The following STAU2 variants were observed in gnomAD, a reference collection of about 807,000 sequenced individuals.
STAU2 encodes staufen double-stranded RNA binding protein 2, also known as double-stranded RNA-binding protein Staufen homolog 2.
In STAU2, 20 loss-of-function variants were observed where a neutral mutation model predicts 65.9. The ratio of observed to expected loss-of-function variants is 0.30; its 90% CI spans 0.21 to 0.44. The LOEUF (loss-of-function observed/expected upper bound fraction) is 0.44, where lower values mean the gene tolerates loss of function less well. Among genes scored for constraint, STAU2 ranks in the 20% least tolerant of loss-of-function variants. The pLI is 1.00. For missense variants in STAU2, 558 were observed against 683.9 expected (o/e 0.82, Z 2.05); for synonymous variants, 232 against 233.9 (o/e 0.99, Z 0.07).
At chr8:73,701,161 C>T (rs992013340) in intron 4 of STAU2, among the ~76,000 whole-genome samples, 2 of 152,100 alleles carry the variant, frequency 1.3e-5, no homozygotes, top group East Asian at 1.9e-4. Flanking sequence ...AGACCTCAAA[C>T]TATGAAACTA....
At chr8:73,482,048 T>G (rs1328238490) in intron 13 of STAU2, among the ~76,000 whole-genome samples, 1 of 152,164 alleles carries the variant, frequency 6.6e-6, no homozygotes, top group Non-Finnish European at 1.5e-5. Flanking sequence ...GAGATTCTTT[T>G]GGCTGCGGCT....
At chr8:73,591,954 T>C (rs1437495572) in intron 11 of STAU2, among the ~76,000 whole-genome samples, 1 of 133,444 alleles carries the variant, frequency 7.5e-6, no homozygotes, top group Non-Finnish European at 1.6e-5. Context: ...TCAAAATGTG[T>C]AGGGCAGAGC....
chr8:73,689,911 A>C (rs1006267279), intron 4 of STAU2, among the ~76,000 whole-genome samples: 13 of 152,066 alleles, frequency 8.5e-5, no homozygotes, highest in African/African-American at 3.1e-4. Flanking sequence ...ATCTGAATCT[A>C]ATCACAGGGA....
At chr8:73,648,611 T>C (rs2130196039) in intron 6 of STAU2, among the ~76,000 whole-genome samples, 1 of 152,326 alleles carries the variant, frequency 6.6e-6, no homozygotes, top group Admixed American at 6.5e-5. Context: ...TTCATGTATT[T>C]CCCTTGAATC....
intron 6 of STAU2, among the ~76,000 whole-genome samples, chr8:73,660,627 T>C (rs950137702): frequency 2.6e-5 from 4 of 152,248 alleles, no homozygotes; most frequent in African/African-American, 7.2e-5. Context: ...CCAGCTTGAA[T>C]GGCTATCAAG....
At chr8:73,696,296 A>G (rs1197649532) in intron 4 of STAU2, among the ~76,000 whole-genome samples, 2 of 152,160 alleles carry the variant, frequency 1.3e-5, no homozygotes, top group African/African-American at 4.8e-5. Flanking sequence ...TGAAGACTAC[A>G]ATAAATACCT....
At chr8:73,691,862 T>A (rs1361846845) in intron 4 of STAU2, among the ~76,000 whole-genome samples, 1 of 152,162 alleles carries the variant, frequency 6.6e-6, no homozygotes, top group African/African-American at 2.4e-5. Context: ...TGGAATTTCC[T>A]GGGTGATAGG....
chr8:73,738,371 A>C (rs1016145550), intron 2 of STAU2, 22 bp from the exon 3 acceptor site: 1 of 1,573,244 alleles, frequency 6.4e-7, no homozygotes, highest in African/African-American at 1.4e-5. Flanking sequence ...AAATGAAGAA[A>C]TAAAGTTCAA....
chr8:73,569,103 G>A lies in STAU2; in HGVS notation c.1222+13667C>T, dbSNP rs192378965. Among the ~76,000 whole-genome samples the A allele has an allele frequency of 6.0e-4, 92 of 152,152 alleles. 2 individuals carry two copies. Among genetic ancestry groups the A allele is most frequent in the African/African-American group, 2.2e-3 (90 of 41,514 alleles). ...ATGGTACCTGGAAAATCAGGACACCGCCACCCTAATACTGCGCTTTTCCAA... is the reference window on the plus strand; with the variant it reads ...ATGGTACCTGGAAAATCAGGACACCACCACCCTAATACTGCGCTTTTCCAA... On this transcript the variant is annotated intron_variant, in intron 12 of 14. Coordinates refer to ENST00000524300, the MANE Select transcript of STAU2 (RefSeq NM_001164380.2).
Position 73,456,060 on chromosome 8 carries a change from G to A in STAU2, c.1531-33358C>T, listed in dbSNP as rs569723560. ...CCATGTACTGGTACAAATGAATGAC[G>A]ATGGGACATGCTCTCCAGTGGGCAG... On this transcript the variant is annotated intron_variant, in intron 13 of 14. Coordinates refer to ENST00000524300, the MANE Select transcript of STAU2 (RefSeq NM_001164380.2). Among the ~76,000 whole-genome samples, 6 of 152,336 alleles carry A rather than the reference G, an allele frequency of 3.9e-5. No individual in the cohort carries two copies. The South Asian group carries it at 8.3e-4, about 21-fold the overall frequency.
chr8:73,464,149 T>C (rs1261048533), intron 13 of STAU2, among the ~76,000 whole-genome samples: 1 of 152,178 alleles, frequency 6.6e-6, no homozygotes, highest in Non-Finnish European at 1.5e-5. Flanking sequence ...CCCTGTTTTT[T>C]GTTTGTTTTG....
At chr8:73,485,005 T>C (rs1330259549) in intron 13 of STAU2, among the ~76,000 whole-genome samples, 1 of 152,074 alleles carries the variant, frequency 6.6e-6, no homozygotes, top group Non-Finnish European at 1.5e-5. Context: ...GGTAGATACA[T>C]TCTAATTTCA....
intron 13 of STAU2, among the ~76,000 whole-genome samples, chr8:73,496,631 A>G (rs1821435992): frequency 6.6e-6 from 1 of 151,824 alleles, no homozygotes; most frequent in Non-Finnish European, 1.5e-5. Flanking sequence ...TTGTAGCCAC[A>G]TCTAAAAAGT....
At chr8:73,457,965 T>A (rs898025767) in intron 13 of STAU2, among the ~76,000 whole-genome samples, 1 of 152,204 alleles carries the variant, frequency 6.6e-6, no homozygotes, top group Non-Finnish European at 1.5e-5. Context: ...CACTGAGGAC[T>A]TAAGGCCATA....
intron 4 of STAU2, among the ~76,000 whole-genome samples, chr8:73,692,154 G>A (rs1819362794): frequency 2.0e-5 from 3 of 151,898 alleles, no homozygotes. Flanking sequence ...GACAGGGCTT[G>A]GAAGCTCCAT....
At chr8:73,442,137 G>A (rs764002995) in intron 13 of STAU2, among the ~76,000 whole-genome samples, 4 of 151,948 alleles carry the variant, frequency 2.6e-5, no homozygotes, top group Non-Finnish European at 4.4e-5. Flanking sequence ...GGCGGATCAC[G>A]AGGTCAGGAG....
At chr8:73,563,836 T>A (rs546879049) in intron 12 of STAU2, among the ~76,000 whole-genome samples, 38 of 152,280 alleles carry the variant, frequency 2.5e-4, no homozygotes, top group African/African-American at 9.1e-4. Context: ...AAAGAAGTCT[T>A]GGGTGACACC....
rs141811275 is a variant in STAU2 at position 73,680,598 on chromosome 8, G to T, written c.275-7356C>A. Among the ~76,000 whole-genome samples the T allele has an allele frequency of 5.1e-4, 78 of 152,144 alleles. 2 individuals are homozygous for T. In the East Asian group the frequency reaches 0.015, roughly 29 times the overall value. On this transcript the variant is annotated intron_variant, in intron 5 of 14. Coordinates refer to ENST00000524300, the MANE Select transcript of STAU2 (RefSeq NM_001164380.2). ...AGATCACACTAGTTCACCAGCGATG[G>T]ATCCAAACCAGGAAGAAATATCTGA...
intron 13 of STAU2, among the ~76,000 whole-genome samples, chr8:73,462,286 G>A (rs1819404337): frequency 6.6e-6 from 1 of 151,612 alleles, no homozygotes; most frequent in South Asian, 2.1e-4. Flanking sequence ...TAGAGACAGG[G>A]TTTTCCCATG....
Sources: gnomAD v4.1 joint callset for allele counts (sites outside exome capture counted in the v4.1 genomes callset) on GRCh38, gnomAD v4.1.1 for gene constraint, MANE v1.5 for transcripts, NCBI Gene and HGNC (gene_info 2026-07-23, HGNC 2026-07-21) for gene names.